GALNT13: variants seen among roughly 807,000 people sequenced by gnomAD.
GALNT13 encodes polypeptide N-acetylgalactosaminyltransferase 13, also known as UDP-GalNAc:polypeptide N-acetylgalactosaminyltransferase 13.
A neutral mutation model predicts 64.2 loss-of-function variants in GALNT13; 28 were observed. That is an observed-to-expected ratio of 0.44 (90% CI 0.32 to 0.60). The LOEUF (loss-of-function observed/expected upper bound fraction) is 0.60, where lower values mean the gene tolerates loss of function less well. GALNT13 is among the 20% of genes least tolerant of loss of function. The pLI, the probability that GALNT13 is intolerant of heterozygous loss-of-function variation, is 0.05. For missense variants in GALNT13, 577 were observed against 669.8 expected (o/e 0.86, Z 1.53); for synonymous variants, 214 against 224.6 (o/e 0.95, Z 0.42).
intron 3 of GALNT13, among the ~76,000 whole-genome samples, chr2:154,127,711 T>TACACAC (rs1558973580): frequency 6.8e-4 from 99 of 146,314 alleles, no homozygotes; most frequent in African/African-American, 2.3e-3. Context: ...CACACACACG[T>TACACAC]GTGTGTGTGT....
chr2:154,436,112 G>A (rs941159228), intron 11 of GALNT13: 7 of 151,974 alleles, frequency 4.6e-5, no homozygotes, highest in African/African-American at 1.7e-4. Flanking sequence ...AGAAAAATAA[G>A]GAAGCATTAT....
intron 2 of GALNT13, among the ~76,000 whole-genome samples, chr2:153,909,870 G>T (rs1688824228): frequency 6.6e-6 from 1 of 152,082 alleles, no homozygotes; most frequent in South Asian, 2.1e-4. Context: ...TCCTCATCAA[G>T]AATTTTGGCC....
At chr2:153,462,314 C>T in the GALNT13 span, among the ~76,000 whole-genome samples, 1 of 151,998 alleles carries the variant, frequency 6.6e-6, no homozygotes, top group Admixed American at 6.6e-5. Context: ...TTCATATTTT[C>T]TGCATTTAAA....
intron 11 of GALNT13, among the ~76,000 whole-genome samples, chr2:154,420,305 T>C (rs1700194467): frequency 6.6e-6 from 1 of 152,120 alleles, no homozygotes; most frequent in African/African-American, 2.4e-5. Flanking sequence ...AAAGCTCCTG[T>C]TATATACAGA....
chr2:153,854,143 A>T, the GALNT13 span, among the ~76,000 whole-genome samples: 1 of 151,994 alleles, frequency 6.6e-6, no homozygotes, highest in Non-Finnish European at 1.5e-5. Flanking sequence ...AACCTAAAAA[A>T]CCCAAAGTAA....
the GALNT13 span, among the ~76,000 whole-genome samples, chr2:153,126,889 T>C: frequency 6.6e-6 from 1 of 152,186 alleles, no homozygotes; most frequent in East Asian, 1.9e-4. Context: ...GCTGTGCCTA[T>C]GCCACTGCCC....
chr2:153,485,916 A>C, the GALNT13 span, among the ~76,000 whole-genome samples: 1 of 152,154 alleles, frequency 6.6e-6, no homozygotes, highest in African/African-American at 2.4e-5. Flanking sequence ...CAAACAAAAA[A>C]GAAAATAAAT....
At chr2:153,479,329 A>G in the GALNT13 span, among the ~76,000 whole-genome samples, 1 of 142,682 alleles carries the variant, frequency 7.0e-6, no homozygotes, top group East Asian at 2.0e-4. Flanking sequence ...GGAAAGACAG[A>G]AAGGCATGGA....
At chr2:153,861,052 C>T in the GALNT13 span, among the ~76,000 whole-genome samples, 6 of 152,098 alleles carry the variant, frequency 3.9e-5, no homozygotes, top group Admixed American at 3.9e-4. Flanking sequence ...CTAAGTTTTC[C>T]CCACAGCAAG....
chr2:154,226,604 A>G (rs1688628739), intron 4 of GALNT13, among the ~76,000 whole-genome samples: 1 of 152,174 alleles, frequency 6.6e-6, no homozygotes, highest in Non-Finnish European at 1.5e-5. Context: ...TTTAGCAGCA[A>G]TTAAACCTTG....
chr2:153,485,837 C>T, the GALNT13 span, among the ~76,000 whole-genome samples: 29 of 152,320 alleles, frequency 1.9e-4, no homozygotes, highest in African/African-American at 5.8e-4. Flanking sequence ...GAGGTTGAGG[C>T]TGCAGTGAGC....
chr2:153,184,997 T>TA, the GALNT13 span, among the ~76,000 whole-genome samples: 1 of 152,110 alleles, frequency 6.6e-6, no homozygotes, highest in African/African-American at 2.4e-5. Context: ...AAGGAAGAGT[T>TA]ACTCCTTTTA....
At chr2:153,339,918 A>T in the GALNT13 span, among the ~76,000 whole-genome samples, 2 of 152,104 alleles carry the variant, frequency 1.3e-5, no homozygotes, top group Non-Finnish European at 2.9e-5. Flanking sequence ...ATAAATGTGT[A>T]TATTTATTTC....
chr2:153,280,157 G>A, the GALNT13 span, among the ~76,000 whole-genome samples: 3,275 of 152,060 alleles, frequency 0.022, 124 homozygotes, highest in African/African-American at 0.074. Context: ...GTGTGCATAG[G>A]TATGTACATA....
chr2:153,356,269 T>C, the GALNT13 span, among the ~76,000 whole-genome samples: 865 of 152,320 alleles, frequency 5.7e-3, 8 homozygotes, highest in African/African-American at 0.019. Flanking sequence ...CATTGATATG[T>C]AGTAACGCTG....
chr2:154,332,665 G>C (rs1695231150), intron 9 of GALNT13, among the ~76,000 whole-genome samples: 1 of 152,084 alleles, frequency 6.6e-6, no homozygotes, highest in African/African-American at 2.4e-5. Flanking sequence ...TTCCGGCTAT[G>C]TGAGCTGGTT....
the GALNT13 span, among the ~76,000 whole-genome samples, chr2:153,607,982 T>C: frequency 1.3e-5 from 2 of 152,154 alleles, no homozygotes; most frequent in Admixed American, 6.6e-5. Context: ...GCTTTAAAAA[T>C]GTTACCCTTC....
At chr2:153,258,247 A>C in the GALNT13 span, among the ~76,000 whole-genome samples, 181 of 152,336 alleles carry the variant, frequency 1.2e-3, 4 homozygotes, top group Non-Finnish European at 3.8e-4. Context: ...AATCAGTCCT[A>C]TCATGATTTA....
chr2:154,076,059 G>T (rs145919394), intron 3 of GALNT13, among the ~76,000 whole-genome samples: 1 of 151,684 alleles, frequency 6.6e-6, no homozygotes, highest in Non-Finnish European at 1.5e-5. Flanking sequence ...AAATTTTGTT[G>T]TTGCTCACAT....
Sources: allele counts gnomAD v4.1 joint callset (sites outside exome capture counted in the v4.1 genomes callset), GRCh38; gene constraint gnomAD v4.1.1; transcripts MANE v1.5; gene names NCBI Gene and HGNC (gene_info 2026-07-23, HGNC 2026-07-21).